Variants in ANKS1B observed in about 807,000 individuals in gnomAD.
ANKS1B encodes ankyrin repeat and sterile alpha motif domain containing 1B, also known as ankyrin repeat and sterile alpha motif domain-containing protein 1B.
A neutral mutation model predicts 148.3 loss-of-function variants in ANKS1B; 36 were observed. The ratio of observed to expected loss-of-function variants is 0.24; its 90% CI spans 0.19 to 0.32. ANKS1B has a LOEUF of 0.32. Among genes scored for constraint, ANKS1B ranks in the 10% least tolerant of loss-of-function variants. The probability of loss-of-function intolerance (pLI) is 1.00; values close to 1 mark genes in which losing one functional copy is unlikely to be tolerated. For missense variants in ANKS1B, 1,157 were observed against 1,542.6 expected (o/e 0.75, Z 4.19); for synonymous variants, 542 against 560.8 (o/e 0.97, Z 0.47).
At chr12:99,253,123 A>C (rs1163866204) in intron 12 of ANKS1B, among the ~76,000 whole-genome samples, 1 of 152,028 alleles carries the variant, frequency 6.6e-6, no homozygotes, top group African/African-American at 2.4e-5. Context: ...GCTACTCAGG[A>C]GACTGAGATG....
At chr12:98,870,235 G>C (rs1187138169) in intron 17 of ANKS1B, among the ~76,000 whole-genome samples, 1 of 152,202 alleles carries the variant, frequency 6.6e-6, no homozygotes, top group Non-Finnish European at 1.5e-5. Flanking sequence ...GATTATTACT[G>C]TGCTTTCGGG....
chr12:99,285,953 A>C (rs1350814239), intron 12 of ANKS1B, among the ~76,000 whole-genome samples: 1 of 152,150 alleles, frequency 6.6e-6, no homozygotes, highest in Non-Finnish European at 1.5e-5. Context: ...CTGGAGTTCT[A>C]AATAAACTTG....
chr12:98,885,965 T>C (rs981105665), intron 17 of ANKS1B, among the ~76,000 whole-genome samples: 7 of 149,258 alleles, frequency 4.7e-5, no homozygotes, highest in African/African-American at 1.7e-4. Context: ...TGAAAAGAAA[T>C]AGCACGGCAG....
At chr12:99,174,752 A>G (rs975759340) in intron 14 of ANKS1B, among the ~76,000 whole-genome samples, 19 of 152,114 alleles carry the variant, frequency 1.2e-4, no homozygotes, top group African/African-American at 4.6e-4. Flanking sequence ...TTTCCCTTGG[A>G]TTTTTGGATA....
intron 1 of ANKS1B, among the ~76,000 whole-genome samples, chr12:99,908,415 C>CA (rs1223254389): frequency 6.6e-6 from 1 of 151,764 alleles, no homozygotes; most frequent in African/African-American, 2.4e-5. Flanking sequence ...CCCATCTCTA[C>CA]AAAAAAATAT....
At chr12:99,940,469 T>G (rs1022173408) in intron 1 of ANKS1B, among the ~76,000 whole-genome samples, 3 of 152,094 alleles carry the variant, frequency 2.0e-5, no homozygotes, top group Non-Finnish European at 4.4e-5. Flanking sequence ...TGAAAGATAA[T>G]CTGTAGGTTA....
intron 8 of ANKS1B, among the ~76,000 whole-genome samples, chr12:99,668,432 G>A (rs2098520207): frequency 6.6e-6 from 1 of 150,922 alleles, no homozygotes; most frequent in Admixed American, 6.6e-5. Flanking sequence ...TTTTTTAAAT[G>A]TGGAAGCTTA....
At chr12:99,829,438 C>A (rs1035364034) in intron 1 of ANKS1B, among the ~76,000 whole-genome samples, 10 of 152,132 alleles carry the variant, frequency 6.6e-5, no homozygotes, top group Non-Finnish European at 1.3e-4. Context: ...ATCATGAGGT[C>A]AGGAGATCGA....
At chr12:99,495,261 T>C (rs185117873) in intron 10 of ANKS1B, among the ~76,000 whole-genome samples, 1 of 152,228 alleles carries the variant, frequency 6.6e-6, no homozygotes, top group Non-Finnish European at 1.5e-5. Flanking sequence ...CAGGAGTTCA[T>C]TGTATTTTTA....
chr12:99,904,093 T>C (rs1212051025), intron 1 of ANKS1B, among the ~76,000 whole-genome samples: 1 of 152,208 alleles, frequency 6.6e-6, no homozygotes, highest in African/African-American at 2.4e-5. Context: ...TTGTAGGATT[T>C]CATTAATTTA....
chr12:99,322,030 T>C (rs1403092859), intron 12 of ANKS1B, among the ~76,000 whole-genome samples: 1 of 152,110 alleles, frequency 6.6e-6, no homozygotes, highest in Non-Finnish European at 1.5e-5. Context: ...GGAAAATAAA[T>C]CATTCTACTA....
chr12:99,384,942 T>G (rs374682781), intron 12 of ANKS1B, among the ~76,000 whole-genome samples: 20 of 152,338 alleles, frequency 1.3e-4, no homozygotes, highest in African/African-American at 4.8e-4. Flanking sequence ...ATTTGTTAAA[T>G]GAATGAATGA....
At chr12:99,464,945 C>T (rs1232269469) in intron 10 of ANKS1B, among the ~76,000 whole-genome samples, 1 of 152,054 alleles carries the variant, frequency 6.6e-6, no homozygotes, top group African/African-American at 2.4e-5. Context: ...CAGAGAACAC[C>T]ACAAAGATAC....
intron 9 of ANKS1B, among the ~76,000 whole-genome samples, chr12:99,561,394 T>C (rs909010978): frequency 1.3e-5 from 2 of 152,178 alleles, no homozygotes; most frequent in African/African-American, 4.8e-5. Flanking sequence ...GTTCACAGGA[T>C]TGATGAGGCC....
chr12:99,274,274 C>CT (rs893655862), intron 12 of ANKS1B, among the ~76,000 whole-genome samples: 16 of 151,462 alleles, frequency 1.1e-4, no homozygotes, highest in South Asian at 6.3e-4. Flanking sequence ...ACAAAAACCA[C>CT]TTTTTTTTTG....
At chr12:99,678,696 A>G (rs1246665481) in intron 8 of ANKS1B, among the ~76,000 whole-genome samples, 1 of 152,180 alleles carries the variant, frequency 6.6e-6, no homozygotes, top group Non-Finnish European at 1.5e-5. Flanking sequence ...AGCACTCTGG[A>G]GCTAAACACT....
At chr12:98,761,823 TGAG>T (rs1169630422) in intron 25 of ANKS1B, among the ~76,000 whole-genome samples, 1 of 152,212 alleles carries the variant, frequency 6.6e-6, no homozygotes, top group African/African-American at 2.4e-5. Flanking sequence ...GTAAGGAATC[TGAG>T]GAGGAGGCCA....
chr12:98,797,800 G>T (rs774087698), intron 22 of ANKS1B, among the ~76,000 whole-genome samples: 2 of 152,072 alleles, frequency 1.3e-5, no homozygotes, highest in Non-Finnish European at 2.9e-5. Context: ...GTAATTATAT[G>T]CTCTTAAATT....
intron 17 of ANKS1B, among the ~76,000 whole-genome samples, chr12:98,974,688 T>G (rs191497252): frequency 1.3e-5 from 2 of 152,272 alleles, no homozygotes; most frequent in East Asian, 1.9e-4. Flanking sequence ...CTGCATGAGA[T>G]GAGTCCAGGT....
Sources: gnomAD v4.1 joint callset for allele counts (sites outside exome capture counted in the v4.1 genomes callset) on GRCh38, gnomAD v4.1.1 for gene constraint, MANE v1.5 for transcripts, NCBI Gene and HGNC (gene_info 2026-07-23, HGNC 2026-07-21) for gene names.